USP6NL: variants seen among roughly 807,000 people sequenced by gnomAD.
USP6NL encodes the protein USP6 N-terminal like.
USP6NL carries 26 observed loss-of-function variants against 61.9 expected under a neutral mutation model. The observed-to-expected ratio is 0.42, with a 90% CI of 0.31 to 0.58. The LOEUF is 0.58. Among genes scored for constraint, USP6NL ranks in the 20% least tolerant of loss-of-function variants. USP6NL has a pLI of 0.16. For missense variants in USP6NL, 1,114 were observed against 1,034.3 expected, an observed-to-expected ratio of 1.08 and a Z score of -1.06; for synonymous variants, 432 against 390.1, an observed-to-expected ratio of 1.11 and a Z score of -1.27.
chr10:11,524,225 A>G (rs1008174657), intron 4 of USP6NL, among the ~76,000 whole-genome samples: 18 of 152,222 alleles, frequency 1.2e-4, no homozygotes. Flanking sequence ...CGACAAAAAC[A>G]AAACAGTCTT....
At chr10:11,497,575 A>G (rs1833991437) in intron 7 of USP6NL, among the ~76,000 whole-genome samples, 1 of 152,232 alleles carries the variant, frequency 6.6e-6, no homozygotes, top group African/African-American at 2.4e-5. Context: ...ATAAAAGTTA[A>G]TAGGAAGGCA....
Position 11,463,958 on chromosome 10 carries a change from G to GCTGACATACAACACA in USP6NL, c.1079-124_1079-110dup. 9.9e-7 allele frequency: 1 copy of GCTGACATACAACACA among 1,009,636 alleles called. No individual in the cohort carries two copies. Among genetic ancestry groups the GCTGACATACAACACA allele is most frequent in the South Asian group, 1.8e-5 (1 of 55,290 alleles). The allele number at this position is 1,009,636 out of a possible 1,614,324, so 62.5% of individuals were successfully genotyped here. On this transcript the variant is annotated intron_variant, in intron 14 of 14. Coordinates refer to ENST00000609104, the MANE Select transcript of USP6NL (RefSeq NM_014688.5). The surrounding 1 kb of genome is among the most constrained non-coding windows in gnomAD (Gnocchi z 6.3). ...GCTTTTCATCTGTGCACAGATACAC[G>GCTGACATACAACACA]CTGACATACAACACACTGTCATACA...
intron 2 of USP6NL, among the ~76,000 whole-genome samples, chr10:11,578,981 G>A (rs1222904005): frequency 6.6e-6 from 1 of 152,090 alleles, no homozygotes; most frequent in Non-Finnish European, 1.5e-5. Context: ...CACTACAATC[G>A]GGGTTTTCCC....
intron 13 of USP6NL, among the ~76,000 whole-genome samples, chr10:11,484,759 C>A (rs12219976): frequency 0.082 from 12,440 of 152,132 alleles, 606 homozygotes; most frequent in South Asian, 0.19. Context: ...CAGAAAAGAA[C>A]CAAAGACCTT....
intron 1 of USP6NL, among the ~76,000 whole-genome samples, chr10:11,610,977 C>G (rs1355229517): frequency 1.3e-5 from 2 of 152,150 alleles, no homozygotes; most frequent in Non-Finnish European, 2.9e-5. Context: ...ACTTGCAGAT[C>G]TCTCATTCGC....
intron 5 of USP6NL, among the ~76,000 whole-genome samples, chr10:11,515,904 ATAC>A (rs1834936717): frequency 6.6e-6 from 1 of 152,220 alleles, no homozygotes; most frequent in African/African-American, 2.4e-5. Flanking sequence ...ATAAGATTTC[ATAC>A]TACATTAAAT....
At chr10:11,556,739 G>GT (rs1836721876) in intron 2 of USP6NL, among the ~76,000 whole-genome samples, 1 of 152,110 alleles carries the variant, frequency 6.6e-6, no homozygotes. Flanking sequence ...GATGGACCTA[G>GT]TAACACAGTT....
Position 11,527,483 on chromosome 10 carries a change from T to C in USP6NL, c.72+17A>G. 6.3e-7 allele frequency: 1 copy of C among 1,589,960 alleles called. No homozygotes were observed. Among genetic ancestry groups the C allele is most frequent in the Non-Finnish European group, 8.6e-7 (1 of 1,166,716 alleles). The stretch of plus-strand genomic sequence containing the variant: ...TTCTAATAAAACTCACCCAAAGTGT[T>C]AAATATGGATACTTACTCTGTCATA... On this transcript the variant is annotated intron_variant, in intron 3 of 14. Coordinates refer to ENST00000609104, the MANE Select transcript of USP6NL (RefSeq NM_014688.5).
Position 11,468,903 on chromosome 10 carries a change from A to G in USP6NL, c.1079-5054T>C, listed in dbSNP as rs1832600601. ...GAGGTGGTAATTTCAGGCACAAAAC[A>G]AAATGCAAAGGTATGTGTCATACAT... On this transcript the variant is annotated intron_variant, in intron 14 of 14. Transcript: ENST00000609104. This position sits in a 1 kb window ranked among gnomAD's most constrained non-coding sequence, Gnocchi z 4.5. Among the ~76,000 whole-genome samples the G allele has an allele frequency of 6.6e-6, 1 of 152,264 alleles. No homozygotes were observed. Among genetic ancestry groups the G allele is most frequent in the South Asian group, 2.1e-4 (1 of 4,832 alleles).
chr10:11,532,075 A>G lies in USP6NL; in HGVS notation c.5-4508T>C, dbSNP rs1835683332. On this transcript the variant is annotated intron_variant, in intron 2 of 14. Transcript: ENST00000609104. This position sits in a 1 kb window ranked among gnomAD's most constrained non-coding sequence, Gnocchi z 4.1. ...AATTCATACAAAGTTACTAAGGTTC[A>G]TTTCCAATAAAATAAAATTTACAGC... 3 of 849,270 alleles carry G rather than the reference A, an allele frequency of 3.5e-6. No homozygotes were observed. Among genetic ancestry groups the G allele is most frequent in the Non-Finnish European group, 5.4e-6 (3 of 556,204 alleles). The allele number at this position is 849,270 out of a possible 1,614,324, so 52.6% of individuals were successfully genotyped here. A position where few individuals can be genotyped will look rare whatever the true frequency, so the allele number is the denominator to read the frequency against.
intron 1 of USP6NL, among the ~76,000 whole-genome samples, chr10:11,610,232 C>T (rs1838845163): frequency 6.6e-6 from 1 of 152,268 alleles, no homozygotes; most frequent in Non-Finnish European, 1.5e-5. Flanking sequence ...ATGGCATCAA[C>T]ATCCATTTTA....
rs1262281340 is a variant in USP6NL at position 11,489,187 on chromosome 10, T to A, written c.579A>T (p.Thr193=). The change falls in exon 10 of 15, where the codon ACA becomes ACT. Residue 193 remains threonine, a synonymous_variant. Coordinates refer to ENST00000609104, the MANE Select transcript of USP6NL (RefSeq NM_014688.5). This position sits in a 1 kb window ranked among gnomAD's most constrained non-coding sequence, Gnocchi z 5.7. ...VGYCQGMSQI[T]ALLLMYMNEE... ...CGTTCATATACATGAGGAGTAAAGC[T>A]GTGATCTGGCTCATCCCCTGACAAT... 6.2e-7 allele frequency: 1 copy of A among 1,613,954 alleles called. No individual in the cohort carries two copies. The highest frequency in any genetic ancestry group is 8.5e-7 in the Non-Finnish European group (1 of 1,179,854).
intron 5 of USP6NL, among the ~76,000 whole-genome samples, chr10:11,514,534 G>C (rs1458939539): frequency 6.6e-6 from 1 of 151,974 alleles, no homozygotes; most frequent in Non-Finnish European, 1.5e-5. Flanking sequence ...CTAGGAGGTG[G>C]CTTAGACTAC....
rs1718902099 is a variant in USP6NL, at chr10:11,485,624, A to G, written c.759+193T>C. On this transcript the variant is annotated intron_variant, in intron 11 of 14. Transcript: ENST00000609104. The surrounding 1 kb of genome is among the most constrained non-coding windows in gnomAD (Gnocchi z 4.8). The stretch of plus-strand genomic sequence containing the variant: ...AAAGAAGTTCAAATCCCTCAGTAAG[A>G]ACTGTGATAGCCTGTCAATATTAAA... Among the ~76,000 whole-genome samples, 1 of 152,220 alleles carries G rather than the reference A, an allele frequency of 6.6e-6. No individual in the cohort carries two copies. The highest frequency in any genetic ancestry group is 1.5e-5 in the Non-Finnish European group (1 of 68,022).
intron 10 of USP6NL, among the ~76,000 whole-genome samples, chr10:11,488,377 C>A (rs1279546798): frequency 1.3e-5 from 2 of 152,186 alleles, no homozygotes; most frequent in Non-Finnish European, 2.9e-5. Flanking sequence ...CCACTGCACT[C>A]CAGCCTGGGT....
In USP6NL at chr10:11,489,247, A is replaced by G. The variant is rs1833610568; in HGVS notation, c.544-25T>C. The G allele has an allele frequency of 6.2e-6, 10 of 1,612,364 alleles. No individual in the cohort carries two copies. The African/African-American group carries it at 6.7e-5, about 11-fold the overall frequency. ...CCTGGGGAGCAAAGGGGAACACAGAAGCTGGGGAGTTCAGTCGAATTACAT... is the reference window on the plus strand; with the variant it reads ...CCTGGGGAGCAAAGGGGAACACAGAGGCTGGGGAGTTCAGTCGAATTACAT... On this transcript the variant is annotated intron_variant, in intron 9 of 14. Coordinates refer to ENST00000609104, the MANE Select transcript of USP6NL (RefSeq NM_014688.5). The surrounding 1 kb of genome is among the most constrained non-coding windows in gnomAD (Gnocchi z 5.7).
At position 11,588,345 on chromosome 10, in the gene USP6NL, A is replaced by C. The variant is rs950810; in HGVS notation, c.4+9286T>G. Among the ~76,000 whole-genome samples, 64 of 152,278 alleles carry C rather than the reference A, an allele frequency of 4.2e-4. 1 individual carries two copies. In the South Asian group the frequency reaches 0.011, roughly 26 times the overall value. On this transcript the variant is annotated intron_variant, in intron 2 of 14. Coordinates refer to ENST00000609104, the MANE Select transcript of USP6NL (RefSeq NM_014688.5). ...ATCATATATTAGATAAGTCTAATCT[A>C]TCTATGTGATTATTTTACCGTGGTT... is the stretch of plus-strand genomic sequence containing the variant.
chr10:11,607,610 T>C (rs1425360789), intron 1 of USP6NL, among the ~76,000 whole-genome samples: 1 of 152,122 alleles, frequency 6.6e-6, no homozygotes, highest in East Asian at 1.9e-4. Flanking sequence ...CGCTTGAGCC[T>C]GGAAGGCAAA....
chr10:11,581,966 GGTT>G (rs920070909), intron 2 of USP6NL, among the ~76,000 whole-genome samples: 9 of 151,820 alleles, frequency 5.9e-5, no homozygotes, highest in East Asian at 5.8e-4. Context: ...TGGTGGTGGT[GGTT>G]GTTGTTGTTT....
Sources: allele counts gnomAD v4.1 joint callset (sites outside exome capture counted in the v4.1 genomes callset), GRCh38; gene constraint gnomAD v4.1.1; non-coding constraint Gnocchi (gnomAD v3.1); transcripts MANE v1.5; gene names NCBI Gene and HGNC (gene_info 2026-07-23, HGNC 2026-07-21).